The following EDEM2 variants were observed in gnomAD, a reference collection of about 807,000 sequenced individuals.
EDEM2 encodes the protein ER degradation-enhancing alpha-mannosidase-like protein 2.
EDEM2 carries 39 observed loss-of-function variants against 64.8 expected under a neutral mutation model. The ratio of observed to expected loss-of-function variants is 0.60; its 90% CI spans 0.47 to 0.79. EDEM2 has a LOEUF of 0.79. EDEM2 is among the 30% of genes least tolerant of loss of function. EDEM2 has a pLI of 0.00. For missense variants in EDEM2, 609 were observed against 731.3 expected (o/e 0.83, Z 1.93); for synonymous variants, 296 against 291.5 (o/e 1.02, Z -0.16).
chr20:35,142,612 C>A, intron 3 of EDEM2, 134 bp from the exon 4 acceptor site: 1 of 647,834 alleles, frequency 1.5e-6, no homozygotes, highest in Non-Finnish European at 2.7e-6. Context: ...GGATTGGTGA[C>A]AGCAGAAGAA....
intron 10 of EDEM2, among the ~76,000 whole-genome samples, chr20:35,116,474 T>A (rs2085310858): frequency 6.6e-6 from 1 of 152,234 alleles, no homozygotes; most frequent in East Asian, 1.9e-4. Context: ...CTTTCTGTCC[T>A]GAGCTAGCAC....
chr20:35,142,393 A>G lies in EDEM2; in HGVS notation c.344T>C (p.Val115Ala), dbSNP rs1386472656. Reference sequence around the variant, plus strand: ...CTTACCTCGAATGTTTGTTTCAAACACAGAGGCGTTCACATCAATATCAAA... The same window carrying G: ...CTTACCTCGAATGTTTGTTTCAAACGCAGAGGCGTTCACATCAATATCAAA... ...VDFDIDVNAS[V>A]FETNIRVVGG... is the part of the protein sequence containing the mutation. The change falls in exon 4 of 11, where the codon GTG (valine) becomes GCG (alanine). Residue 115 changes from valine to alanine, a missense_variant. Coordinates refer to ENST00000374492, the MANE Select transcript of EDEM2 (RefSeq NM_018217.3). 1 of 1,613,862 alleles carries G rather than the reference A, an allele frequency of 6.2e-7. No individual in the cohort carries two copies. Among genetic ancestry groups the G allele is most frequent in the African/African-American group, 1.3e-5 (1 of 74,932 alleles).
At chr20:35,123,495 G>C (rs1438398787) in intron 9 of EDEM2, among the ~76,000 whole-genome samples, 1 of 152,124 alleles carries the variant, frequency 6.6e-6, no homozygotes. Flanking sequence ...GGGAGGCTGA[G>C]GCAGGAGAAT....
intron 7 of EDEM2, among the ~76,000 whole-genome samples, chr20:35,127,480 T>C (rs1463221125): frequency 6.6e-6 from 1 of 152,202 alleles, no homozygotes; most frequent in Non-Finnish European, 1.5e-5. Context: ...TGTAAATCCA[T>C]GAGGCCTGGG....
intron 4 of EDEM2, among the ~76,000 whole-genome samples, chr20:35,141,119 CAAAAAAAAAAAAAA>C (rs58702725): frequency 0.035 from 1,043 of 29,408 alleles, 19 homozygotes; most frequent in African/African-American, 0.1. Context: ...GACTCCGCCT[CAAAAAAAAAAAAAA>C]AAAAAAAAAA....
chr20:35,118,837 AG>A, intron 9 of EDEM2, 118 bp from the exon 10 acceptor site: 1 of 1,410,614 alleles, frequency 7.1e-7, no homozygotes, highest in African/African-American at 1.4e-5. Context: ...CCCAACTAGC[AG>A]GAACACAGGA....
intron 7 of EDEM2, among the ~76,000 whole-genome samples, chr20:35,126,860 T>C (rs1235365539): frequency 6.6e-6 from 1 of 152,094 alleles, no homozygotes. Flanking sequence ...TGCTGTGAGC[T>C]GAGATCGCAC....
At chr20:35,119,875 A>C (rs1412723208) in intron 9 of EDEM2, among the ~76,000 whole-genome samples, 3 of 152,166 alleles carry the variant, frequency 2.0e-5, no homozygotes, top group Admixed American at 1.3e-4. Context: ...TGTAGAGTTG[A>C]CTTCAAGGGT....
At chr20:35,120,681 T>C (rs2085357930) in intron 9 of EDEM2, among the ~76,000 whole-genome samples, 1 of 146,506 alleles carries the variant, frequency 6.8e-6, no homozygotes, top group Non-Finnish European at 1.5e-5. Context: ...CACTGCAACC[T>C]CTGCCTCCCA....
chr20:35,137,826 G>A, intron 5 of EDEM2, 54 bp downstream of exon 5: 1 of 1,586,630 alleles, frequency 6.3e-7, no homozygotes, highest in Non-Finnish European at 8.6e-7. Flanking sequence ...TCTTCAGCAA[G>A]GGAAGCAGGA....
chr20:35,140,432 C>T (rs144439724), intron 4 of EDEM2, among the ~76,000 whole-genome samples: 12,204 of 152,100 alleles, frequency 0.08, 612 homozygotes, highest in South Asian at 0.16. Context: ...GAGCCAAGAT[C>T]GCGCCACTGC....
chr20:35,116,645 A>G (rs1184877293), intron 10 of EDEM2, among the ~76,000 whole-genome samples: 3 of 152,126 alleles, frequency 2.0e-5, no homozygotes, highest in Non-Finnish European at 4.4e-5. Context: ...ATGACATGAC[A>G]ATCTCCTATC....
At chr20:35,123,484 C>T (rs986014253) in intron 9 of EDEM2, among the ~76,000 whole-genome samples, 5 of 152,126 alleles carry the variant, frequency 3.3e-5, no homozygotes, top group Non-Finnish European at 5.9e-5. Context: ...CCCAGCTACT[C>T]GGGAGGCTGA....
Position 35,115,763 on chromosome 20 carries a change from C to A in EDEM2, c.1407G>T (p.Gly469=). Residue 469 remains glycine, a synonymous_variant, in exon 11 of 11, where the codon GGG becomes GGT. Coordinates refer to ENST00000374492, the MANE Select transcript of EDEM2 (RefSeq NM_018217.3). ...TPYGECILGA[G]GYIFNTEAHP... is the part of the protein sequence containing the mutation. ...GAGCTTCTGTGTTGAAGATGTACCC[C>A]CCAGCCCCCAGGATGCACTCCCCAT... 2 of 1,614,196 alleles carry A rather than the reference C, an allele frequency of 1.2e-6. No individual in the cohort carries two copies. Among genetic ancestry groups the A allele is most frequent in the Non-Finnish European group, 1.7e-6 (2 of 1,180,034 alleles).
intron 3 of EDEM2, 85 bp downstream of exon 3, chr20:35,144,894 T>G: frequency 6.7e-7 from 1 of 1,495,360 alleles, no homozygotes; most frequent in Non-Finnish European, 9.3e-7. Flanking sequence ...AGGAATTCAT[T>G]TTTCACCCAC....
At chr20:35,130,450 A>G (rs2085492788) in intron 7 of EDEM2, among the ~76,000 whole-genome samples, 1 of 152,192 alleles carries the variant, frequency 6.6e-6, no homozygotes, top group Admixed American at 6.5e-5. Flanking sequence ...GTATAACAAT[A>G]TATGTTATAG....
Position 35,142,447 on chromosome 20 carries a change from A to T in EDEM2, c.290T>A (p.Val97Glu). The change falls in exon 4 of 11, where the codon GTG becomes GAG. Residue 97 changes from valine (V) to glutamate (E), a missense_variant. Transcript: ENST00000374492. ...ILGNVSEFQRVVEVLQDSVDF... is the reference protein window; with the variant it reads ...ILGNVSEFQREVEVLQDSVDF... ...CACGCTGTCCTGGAGCACTTCAACC[A>T]CTCTTTGGAATTCTGAGACATTCCC... The T allele has an allele frequency of 6.2e-7, 1 of 1,613,700 alleles. No individual in the cohort carries two copies. The highest frequency in any genetic ancestry group is 8.5e-7 in the Non-Finnish European group (1 of 1,179,942).
Position 35,129,587 on chromosome 20 carries a change from T to A in EDEM2, c.844+2055A>T, listed in dbSNP as rs755041825. On this transcript the variant is annotated intron_variant, in intron 7 of 10. Transcript: ENST00000374492. ...CTCTATCTCAAAAAAAAAAAAAAAA[T>A]TTATTACTGGAGAAAGAAAAAAAAA... Among the ~76,000 whole-genome samples the A allele has an allele frequency of 3.0e-3, 452 of 150,528 alleles. 5 individuals carry two copies. Among genetic ancestry groups the A allele is most frequent in the African/African-American group, 0.011 (433 of 40,908 alleles).
At chr20:35,129,786 T>C (rs936399227) in intron 7 of EDEM2, among the ~76,000 whole-genome samples, 2 of 152,194 alleles carry the variant, frequency 1.3e-5, no homozygotes, top group Non-Finnish European at 2.9e-5. Context: ...ACTTTTTCTA[T>C]GTTTATATAC....
Sources: gnomAD v4.1 joint callset for allele counts (sites outside exome capture counted in the v4.1 genomes callset) on GRCh38, gnomAD v4.1.1 for gene constraint, MANE v1.5 for transcripts, NCBI Gene and HGNC (gene_info 2026-07-23, HGNC 2026-07-21) for gene names.